Variants in SLC35F3 observed in about 807,000 individuals in gnomAD.
SLC35F3 encodes the protein solute carrier family 35 member F3, also known as putative thiamine transporter SLC35F3.
A neutral mutation model predicts 49.9 loss-of-function variants in SLC35F3; 25 were observed. The ratio of observed to expected loss-of-function variants is 0.50; its 90% CI spans 0.37 to 0.70. The LOEUF is 0.70. Ranked by LOEUF, SLC35F3 falls within the 30% of genes least tolerant of loss-of-function variation. The pLI is 0.00. For missense variants in SLC35F3, 525 were observed against 639.8 expected, an observed-to-expected ratio of 0.82 and a Z score of 1.94; for synonymous variants, 275 against 265.4, an observed-to-expected ratio of 1.04 and a Z score of -0.35.
intron 2 of SLC35F3, among the ~76,000 whole-genome samples, chr1:234,071,991 G>A (rs1664718214): frequency 6.6e-6 from 1 of 152,226 alleles, no homozygotes. Context: ...GTGGTTGCTT[G>A]AATTGGGAAT....
rs1007676869 is a variant in SLC35F3 at position 234,320,581 on chromosome 1, G to C, written c.1237+394G>C. Among the ~76,000 whole-genome samples the C allele has an allele frequency of 6.6e-6, 1 of 152,086 alleles. No individual in the cohort carries two copies. The highest frequency in any genetic ancestry group is 2.4e-5 in the African/African-American group (1 of 41,396). ...ATTAACAAATGTAGGAAATGATGTAGCAGAAAAAAAATGTCACTTTTGCAG... is the reference window on the plus strand; with the variant it reads ...ATTAACAAATGTAGGAAATGATGTACCAGAAAAAAAATGTCACTTTTGCAG... On this transcript the variant is annotated intron_variant, in intron 7 of 7. Coordinates refer to ENST00000366618, the MANE Select transcript of SLC35F3 (RefSeq NM_173508.4). This position sits in a 1 kb window ranked among gnomAD's most constrained non-coding sequence, Gnocchi z 4.8.
chr1:233,910,577 A>G (rs1285922578), intron 2 of SLC35F3, among the ~76,000 whole-genome samples: 2 of 152,236 alleles, frequency 1.3e-5, no homozygotes, highest in Non-Finnish European at 2.9e-5. Flanking sequence ...ACAAACCTGC[A>G]TTAGAACACA....
At chr1:233,975,925 G>T in intron 2 of SLC35F3, among the ~76,000 whole-genome samples, 1 of 152,188 alleles carries the variant, frequency 6.6e-6, no homozygotes, top group East Asian at 1.9e-4. Context: ...GTGTACACAC[G>T]TATGGTGTGT....
chr1:234,121,671 G>A (rs549790748), intron 2 of SLC35F3, among the ~76,000 whole-genome samples: 13 of 151,764 alleles, frequency 8.6e-5, no homozygotes, highest in African/African-American at 2.7e-4. Context: ...CCATTAACTC[G>A]TCATTTACAT....
At chr1:234,058,531 A>G (rs934820209) in intron 2 of SLC35F3, among the ~76,000 whole-genome samples, 2 of 151,526 alleles carry the variant, frequency 1.3e-5, no homozygotes, top group African/African-American at 2.4e-5. Flanking sequence ...TTTTGTAGAG[A>G]CAGGGTCTCA....
At chr1:234,174,671 C>T (rs183855545) in intron 2 of SLC35F3, among the ~76,000 whole-genome samples, 2 of 152,316 alleles carry the variant, frequency 1.3e-5, no homozygotes, top group Admixed American at 1.3e-4. Context: ...CACACTCTTC[C>T]CAACCAGAGA....
chr1:233,909,099 T>C (rs1044374291), intron 2 of SLC35F3, among the ~76,000 whole-genome samples: 4 of 152,170 alleles, frequency 2.6e-5, no homozygotes, highest in African/African-American at 9.7e-5. Context: ...TCTTGTGATC[T>C]GCCCTCCTCG....
In SLC35F3 at chr1:234,076,661, A is replaced by G. The variant is rs187550010; in HGVS notation, c.284-154756A>G. Among the ~76,000 whole-genome samples the G allele has an allele frequency of 7.1e-3, 1,076 of 151,904 alleles. 15 individuals are homozygous for G. Among genetic ancestry groups the G allele is most frequent in the African/African-American group, 0.025 (1,021 of 41,420 alleles). ...ATTTTAGTAGAGATGGGGTTTCACC[A>G]TGTTGGCCAGGCTGTTCTCGAACTC... On this transcript the variant is annotated intron_variant, in intron 2 of 7. Transcript: ENST00000366618.
At chr1:233,982,548 A>G (rs866276015) in intron 2 of SLC35F3, among the ~76,000 whole-genome samples, 29 of 151,690 alleles carry the variant, frequency 1.9e-4, no homozygotes, top group African/African-American at 5.6e-4. Flanking sequence ...CTAATTTTGT[A>G]TTTTTAGTGG....
At chr1:234,283,584 A>C (rs1352808339) in intron 3 of SLC35F3, among the ~76,000 whole-genome samples, 1 of 152,214 alleles carries the variant, frequency 6.6e-6, no homozygotes, top group African/African-American at 2.4e-5. Flanking sequence ...TGGACTGCAT[A>C]ATGTTGGCTG....
intron 2 of SLC35F3, among the ~76,000 whole-genome samples, chr1:234,004,029 G>T (rs1663593212): frequency 6.6e-6 from 1 of 152,152 alleles, no homozygotes; most frequent in Non-Finnish European, 1.5e-5. Context: ...CCACTAGGAA[G>T]GGCAATTTGA....
At chr1:234,315,981 G>A (rs962073537) in intron 4 of SLC35F3, among the ~76,000 whole-genome samples, 7 of 152,244 alleles carry the variant, frequency 4.6e-5, no homozygotes, top group Admixed American at 1.3e-4. Flanking sequence ...TAACAGGATT[G>A]AGGGGAGCCT....
Position 234,053,578 on chromosome 1 carries a change from G to A in SLC35F3, c.283+147820G>A, listed in dbSNP as rs1041009649. Among the ~76,000 whole-genome samples the A allele has an allele frequency of 2.6e-5, 4 of 152,052 alleles. No homozygotes were observed. The South Asian group carries it at 8.3e-4, about 32-fold the overall frequency. Reference sequence around the variant, plus strand: ...TCTCCTGAATATAGCACACTGTTGGGTCTTCACTCTTTATCCAGTTTGCCA... The same window carrying A: ...TCTCCTGAATATAGCACACTGTTGGATCTTCACTCTTTATCCAGTTTGCCA... On this transcript the variant is annotated intron_variant, in intron 2 of 7. Transcript: ENST00000366618.
chr1:234,272,052 G>A (rs61823425), intron 3 of SLC35F3, among the ~76,000 whole-genome samples: 25 of 152,160 alleles, frequency 1.6e-4, no homozygotes, highest in Non-Finnish European at 2.5e-4. Flanking sequence ...TTTGAGCTCA[G>A]GATGCAGAGG....
At position 234,249,378 on chromosome 1, in the gene SLC35F3, A is replaced by G. The variant is rs79536537; in HGVS notation, c.608+17637A>G. On this transcript the variant is annotated intron_variant, in intron 3 of 7. Coordinates refer to ENST00000366618, the MANE Select transcript of SLC35F3 (RefSeq NM_173508.4). ...AGAGGAATTCTTCATGGCCTTGCCT[A>G]AAGGAGGCCGGGCTGTGTGTGAACC... 2.0e-3 allele frequency among the ~76,000 whole-genome samples: 309 copies of G among 152,276 alleles called. 2 individuals carry two copies. Among genetic ancestry groups the G allele is most frequent in the African/African-American group, 7.1e-3 (294 of 41,558 alleles).
intron 2 of SLC35F3, among the ~76,000 whole-genome samples, chr1:233,981,679 G>C (rs1223960151): frequency 1.3e-5 from 2 of 150,874 alleles, no homozygotes; most frequent in Non-Finnish European, 2.9e-5. Context: ...AAAAAAAAAA[G>C]CTCAGGAATG....
At chr1:234,145,199 G>T (rs1322602957) in intron 2 of SLC35F3, among the ~76,000 whole-genome samples, 3 of 152,054 alleles carry the variant, frequency 2.0e-5, no homozygotes, top group Non-Finnish European at 4.4e-5. Context: ...CCCGCTGTGA[G>T]TGGTACTGCA....
chr1:233,921,365 C>T (rs979987786), intron 2 of SLC35F3, among the ~76,000 whole-genome samples: 5 of 152,104 alleles, frequency 3.3e-5, no homozygotes, highest in East Asian at 1.9e-4. Flanking sequence ...CCATTTGTTA[C>T]GACTGATGAG....
In SLC35F3 at chr1:234,197,021, C is replaced by G. The variant is rs1666824395; in HGVS notation, c.284-34396C>G. The stretch of plus-strand genomic sequence containing the variant: ...AAAAACAGATTTTATGCAATAACTG[C>G]TGTCAGTAAAGGAAAGAACTGAGCT... On this transcript the variant is annotated intron_variant, in intron 2 of 7. Coordinates refer to ENST00000366618, the MANE Select transcript of SLC35F3 (RefSeq NM_173508.4). Among the ~76,000 whole-genome samples, 2 of 152,308 alleles carry G rather than the reference C, an allele frequency of 1.3e-5. 1 individual carries two copies. The highest frequency in any genetic ancestry group is 4.1e-4 in the South Asian group (2 of 4,824).
Sources: gnomAD v4.1 joint callset for allele counts (sites outside exome capture counted in the v4.1 genomes callset) on GRCh38, gnomAD v4.1.1 for gene constraint, Gnocchi (gnomAD v3.1) non-coding constraint, MANE v1.5 for transcripts, NCBI Gene and HGNC (gene_info 2026-07-23, HGNC 2026-07-21) for gene names.